XPO4: variants seen among roughly 807,000 people sequenced by gnomAD.
The protein encoded by XPO4 is exportin-4.
In XPO4, 39 loss-of-function variants were observed where a neutral mutation model predicts 143.0. That is an observed-to-expected ratio of 0.27 (90% confidence interval 0.21 to 0.36). The LOEUF (loss-of-function observed/expected upper bound fraction) is 0.36. XPO4 is among the 10% of genes least tolerant of loss of function. The pLI is 1.00. For synonymous variants in XPO4, 439 were observed against 474.0 expected (o/e 0.93, Z 0.96); for missense variants, 907 against 1,348.0 (o/e 0.67, Z 5.12).
At chr13:20,834,327 A>G (rs985157466) in intron 6 of XPO4, among the ~76,000 whole-genome samples, 3 of 152,224 alleles carry the variant, frequency 2.0e-5, no homozygotes, top group Non-Finnish European at 2.9e-5. Context: ...TTCTCTATAT[A>G]GTGTGAAAAT....
chr13:20,808,789 A>C (rs2059539594), intron 11 of XPO4, among the ~76,000 whole-genome samples: 1 of 152,228 alleles, frequency 6.6e-6, no homozygotes, highest in Admixed American at 6.5e-5. Flanking sequence ...CTTTACAAAC[A>C]ATCAAGGTTT....
Position 20,783,604 on chromosome 13 carries a change from G to T in XPO4, c.*118C>A. 1 of 1,071,054 alleles carries T rather than the reference G, an allele frequency of 9.3e-7. No individual in the cohort carries two copies. The highest frequency in any genetic ancestry group is 1.4e-6 in the Non-Finnish European group (1 of 715,066). 66.3% of individuals were successfully genotyped at this position (1,071,054 alleles called of 1,614,324 possible). On this transcript the variant is annotated 3_prime_UTR_variant, in exon 23 of 23. Transcript: ENST00000255305. ...TATTACATACATATCAAAGTTTCAG[G>T]CTCTCCAAAATCCAAAATGGCCAAA... is the stretch of plus-strand genomic sequence containing the variant.
At chr13:20,885,109 C>T (rs951282799) in intron 1 of XPO4, among the ~76,000 whole-genome samples, 13 of 152,078 alleles carry the variant, frequency 8.5e-5, no homozygotes, top group Admixed American at 3.3e-4. Flanking sequence ...TGCGCCACCA[C>T]GCTGGCTAAT....
At chr13:20,831,503 C>T (rs541823140) in intron 6 of XPO4, among the ~76,000 whole-genome samples, 6 of 152,110 alleles carry the variant, frequency 3.9e-5, no homozygotes, top group Non-Finnish European at 2.9e-5. Flanking sequence ...AAGATTGGAA[C>T]TAAATAGCTA....
chr13:20,792,707 G>C (rs527367027), intron 18 of XPO4, among the ~76,000 whole-genome samples: 1 of 91,526 alleles, frequency 1.1e-5, no homozygotes, highest in South Asian at 3.8e-4. Flanking sequence ...GGCAACAAAA[G>C]TAAAACTCTG....
chr13:20,882,801 C>T lies in XPO4; in HGVS notation c.70-14100G>A, dbSNP rs578102888. ...ACTCCAGAGTCTGAGGCAAGAGAAT[C>T]GCTTGAACCAGTAGGGCAGAGGTTG... On this transcript the variant is annotated intron_variant, in intron 1 of 22. Coordinates refer to ENST00000255305, the MANE Select transcript of XPO4 (RefSeq NM_022459.5). Among the ~76,000 whole-genome samples the T allele has an allele frequency of 2.2e-4, 33 of 151,756 alleles. No individual in the cohort carries two copies. The South Asian group carries it at 6.3e-3, about 29-fold the overall frequency.
chr13:20,898,613 A>T (rs2060591183), intron 1 of XPO4, among the ~76,000 whole-genome samples: 1 of 152,142 alleles, frequency 6.6e-6, no homozygotes, highest in Non-Finnish European at 1.5e-5. Flanking sequence ...ATAATGTATC[A>T]GTTAATATGT....
At position 20,793,611 on chromosome 13, in the gene XPO4, T is replaced by C. The variant is rs7995346; in HGVS notation, c.2797+2465A>G. Among the ~76,000 whole-genome samples the C allele has an allele frequency of 5.6e-3, 856 of 152,234 alleles. 7 individuals are homozygous for C. Among genetic ancestry groups the C allele is most frequent in the African/African-American group, 0.019 (803 of 41,550 alleles). On this transcript the variant is annotated intron_variant, in intron 18 of 22. Coordinates refer to ENST00000255305, the MANE Select transcript of XPO4 (RefSeq NM_022459.5). ...CTCTGTCACTCAGGCTGGAGTGCTG[T>C]AGCACAATCTCGGCTCACTGCAAGC... is the stretch of plus-strand genomic sequence containing the variant.
intron 6 of XPO4, among the ~76,000 whole-genome samples, chr13:20,838,604 C>A (rs2059942425): frequency 1.8e-5 from 2 of 110,160 alleles, no homozygotes; most frequent in African/African-American, 3.4e-5. Flanking sequence ...AGCAAGACTC[C>A]ATCTCAAAAA....
At chr13:20,797,199 T>G (rs1052310058) in intron 16 of XPO4, 142 bp from the exon 17 acceptor site, 2 of 768,356 alleles carry the variant, frequency 2.6e-6, no homozygotes, top group Non-Finnish European at 3.8e-6. Flanking sequence ...AAACCAGACT[T>G]TACACTCCCC....
At chr13:20,828,849 G>T (rs1366633211) in intron 6 of XPO4, among the ~76,000 whole-genome samples, 1 of 152,126 alleles carries the variant, frequency 6.6e-6, no homozygotes, top group East Asian at 1.9e-4. Context: ...TTCTTAAGAG[G>T]CACCGATCAT....
At chr13:20,895,403 T>G (rs1209517809) in intron 1 of XPO4, among the ~76,000 whole-genome samples, 2 of 152,034 alleles carry the variant, frequency 1.3e-5, no homozygotes, top group Admixed American at 1.3e-4. Flanking sequence ...AGGCTGAAGC[T>G]GGCAGATCAC....
intron 13 of XPO4, among the ~76,000 whole-genome samples, chr13:20,806,567 T>C (rs2059508383): frequency 1.6e-5 from 1 of 61,242 alleles, no homozygotes; most frequent in Admixed American, 2.2e-4. Context: ...TTTTTTTTTT[T>C]TTTTGAGACA....
At chr13:20,902,100 C>G (rs905297438) in intron 1 of XPO4, 1 of 985,410 alleles carries the variant, frequency 1.0e-6, no homozygotes, top group Non-Finnish European at 1.2e-6. Flanking sequence ...GCCCCAATGA[C>G]CTTGGTCTCA....
intron 1 of XPO4, among the ~76,000 whole-genome samples, chr13:20,888,175 C>CAAAA (rs60114182): frequency 6.6e-5 from 6 of 90,546 alleles, no homozygotes; most frequent in Admixed American, 1.5e-4. Flanking sequence ...AACTCCATCT[C>CAAAA]AAAAAAAAAA....
chr13:20,838,609 CA>C (rs36097222), intron 6 of XPO4, among the ~76,000 whole-genome samples: 57,842 of 87,750 alleles, frequency 0.66, 17,339 homozygotes, highest in Middle Eastern at 0.81. Context: ...GACTCCATCT[CA>C]AAAAAAAAAA....
At position 20,779,899 on chromosome 13, in the gene XPO4, A is replaced by G. The variant is rs2059121590; in HGVS notation, c.*3823T>C. On this transcript the variant is annotated 3_prime_UTR_variant, in exon 23 of 23. Transcript: ENST00000255305. ...CATTTCACATCAATTTGAGCTCAGC[A>G]ATATGCCTAATTTGGACATTTTAAT... 1 of 152,638 alleles carries G rather than the reference A, an allele frequency of 6.6e-6. No homozygotes were observed. The highest frequency in any genetic ancestry group is 2.4e-5 in the African/African-American group (1 of 41,464). The allele number at this position is 152,638 out of a possible 1,614,324, so 9.5% of individuals were successfully genotyped here.
At chr13:20,816,046 C>T (rs904460911) in intron 9 of XPO4, among the ~76,000 whole-genome samples, 17 of 152,168 alleles carry the variant, frequency 1.1e-4, no homozygotes, top group African/African-American at 3.6e-4. Flanking sequence ...GATACATAAT[C>T]GTTCATTTCA....
chr13:20,901,885 C>G (rs538716860), intron 1 of XPO4, among the ~76,000 whole-genome samples: 2 of 152,354 alleles, frequency 1.3e-5, no homozygotes, highest in South Asian at 4.1e-4. Context: ...AATAGAAACA[C>G]TGTTTACTAA....
Sources: allele counts gnomAD v4.1 joint callset (sites outside exome capture counted in the v4.1 genomes callset), GRCh38; gene constraint gnomAD v4.1.1; transcripts MANE v1.5; gene names NCBI Gene and HGNC (gene_info 2026-07-23, HGNC 2026-07-21).